ESRRG: variants seen among roughly 807,000 people sequenced by gnomAD.
The protein encoded by ESRRG is estrogen related receptor gamma.
A neutral mutation model predicts 44.0 loss-of-function variants in ESRRG; 13 were observed. The ratio of observed to expected loss-of-function variants is 0.30; its 90% CI spans 0.19 to 0.47. ESRRG has a LOEUF of 0.47. Ranked by LOEUF, ESRRG falls within the 20% of genes least tolerant of loss-of-function variation. The pLI is 1.00. For missense variants in ESRRG, 395 were observed against 580.6 expected, an observed-to-expected ratio of 0.68 and a Z score of 3.29; for synonymous variants, 215 against 214.6, an observed-to-expected ratio of 1.00 and a Z score of -0.02.
intron 1 of ESRRG, among the ~76,000 whole-genome samples, chr1:216,984,929 C>A (rs899458686): frequency 1.3e-5 from 2 of 152,142 alleles, no homozygotes; most frequent in African/African-American, 4.8e-5. Context: ...TCTGAATATT[C>A]TTTATTAAAT....
In ESRRG at chr1:216,578,533, A is replaced by G. The variant is rs2062109493; in HGVS notation, c.590-10435T>C. ...GTAAGTCTTAGTAGAATAAACAAGAAGTAATGAAGGAACACGAAAAAGCAA... is the reference window on the plus strand; with the variant it reads ...GTAAGTCTTAGTAGAATAAACAAGAGGTAATGAAGGAACACGAAAAAGCAA... On this transcript the variant is annotated intron_variant, in intron 3 of 6. Transcript: ENST00000408911. 2.6e-5 allele frequency among the ~76,000 whole-genome samples: 4 copies of G among 152,134 alleles called. No individual in the cohort carries two copies. In the South Asian group the frequency reaches 8.3e-4, roughly 31 times the overall value.
chr1:216,994,586 A>G (rs1448098929), intron 1 of ESRRG, among the ~76,000 whole-genome samples: 2 of 151,872 alleles, frequency 1.3e-5, no homozygotes, highest in African/African-American at 4.8e-5. Context: ...CCGTTCGACA[A>G]CTTCTTTTTT....
At chr1:217,008,852 C>T (rs1260711726) in intron 1 of ESRRG, among the ~76,000 whole-genome samples, 1 of 152,128 alleles carries the variant, frequency 6.6e-6, no homozygotes, top group Non-Finnish European at 1.5e-5. Flanking sequence ...TAACTGCTAG[C>T]TAAATGAACG....
chr1:216,787,833 A>T (rs1192964085), intron 2 of ESRRG, among the ~76,000 whole-genome samples: 1 of 152,150 alleles, frequency 6.6e-6, no homozygotes, highest in Non-Finnish European at 1.5e-5. Flanking sequence ...TATTCCAGTG[A>T]ACATATGAAT....
chr1:216,608,020 C>T lies in ESRRG; in HGVS notation c.590-39922G>A, dbSNP rs544407270. 4.6e-5 allele frequency among the ~76,000 whole-genome samples: 7 copies of T among 152,226 alleles called. 1 individual carries two copies. Among genetic ancestry groups the T allele is most frequent in the African/African-American group, 1.7e-4 (7 of 41,552 alleles). On this transcript the variant is annotated intron_variant, in intron 3 of 6. Coordinates refer to ENST00000408911, the MANE Select transcript of ESRRG (RefSeq NM_001438.4). ...TGAAAATCAAGTTATAATCAAATAA[C>T]CATTATTCAGTAAAATGGACTTCAT... is the stretch of plus-strand genomic sequence containing the variant.
intron 5 of ESRRG, among the ~76,000 whole-genome samples, chr1:216,541,539 C>T (rs1444328115): frequency 6.8e-6 from 1 of 147,926 alleles, no homozygotes; most frequent in Admixed American, 6.8e-5. Flanking sequence ...GAAGCTCGCT[C>T]AGCTATTTGA....
chr1:216,560,730 A>G (rs1050440450), intron 5 of ESRRG, among the ~76,000 whole-genome samples: 2 of 152,200 alleles, frequency 1.3e-5, no homozygotes, highest in African/African-American at 4.8e-5. Context: ...GAGGGAGTGA[A>G]GTGGAGTGTG....
chr1:216,564,646 A>G (rs1162336577), intron 4 of ESRRG, among the ~76,000 whole-genome samples: 1 of 151,954 alleles, frequency 6.6e-6, no homozygotes, highest in Non-Finnish European at 1.5e-5. Context: ...TCTGTCCTGT[A>G]GTGAAAATTT....
At chr1:216,883,147 G>A (rs942261002) in intron 2 of ESRRG, among the ~76,000 whole-genome samples, 14 of 152,064 alleles carry the variant, frequency 9.2e-5, no homozygotes, top group African/African-American at 3.4e-4. Context: ...GGAGGCCGAG[G>A]CAGGCGTATC....
intron 1 of ESRRG, among the ~76,000 whole-genome samples, chr1:217,123,842 T>C (rs1450361208): frequency 6.6e-6 from 1 of 151,996 alleles, no homozygotes; most frequent in African/African-American, 2.4e-5. Context: ...TAGGTGCAAC[T>C]AACCACTATG....
chr1:216,779,348 TAAAA>T (rs1576462200), intron 2 of ESRRG, among the ~76,000 whole-genome samples: 1 of 89,416 alleles, frequency 1.1e-5, no homozygotes, highest in African/African-American at 5.1e-5. Context: ...TTTATAAACA[TAAAA>T]TATTTATATT....
chr1:216,548,501 T>C (rs1015794657), intron 5 of ESRRG, among the ~76,000 whole-genome samples: 1 of 152,088 alleles, frequency 6.6e-6, no homozygotes. Flanking sequence ...GTTTAACCTA[T>C]ACTATAGGTT....
At chr1:216,986,902 G>A (rs544516269) in intron 1 of ESRRG, among the ~76,000 whole-genome samples, 1 of 152,206 alleles carries the variant, frequency 6.6e-6, no homozygotes, top group African/African-American at 2.4e-5. Context: ...AATGAGTAGT[G>A]TAACTAAAAG....
chr1:216,514,957 T>TACACAC (rs2043764785), intron 6 of ESRRG, among the ~76,000 whole-genome samples: 1 of 83,714 alleles, frequency 1.2e-5, no homozygotes, highest in Admixed American at 1.2e-4. Context: ...AGTTTTACTT[T>TACACAC]ATACACACAC....
chr1:216,881,146 C>A (rs2096440626), intron 2 of ESRRG, among the ~76,000 whole-genome samples: 1 of 152,074 alleles, frequency 6.6e-6, no homozygotes, highest in African/African-American at 2.4e-5. Context: ...CAAAGAAAAT[C>A]TTGGTAAATA....
intron 3 of ESRRG, among the ~76,000 whole-genome samples, chr1:216,647,855 G>A (rs573625095): frequency 6.6e-6 from 1 of 152,294 alleles, no homozygotes; most frequent in South Asian, 2.1e-4. Flanking sequence ...ACCTGTTAAA[G>A]GAGAGAAAGT....
chr1:216,837,104 T>TG (rs2148822966), intron 2 of ESRRG, among the ~76,000 whole-genome samples: 1 of 75,752 alleles, frequency 1.3e-5, no homozygotes, highest in African/African-American at 8.0e-5. Context: ...ATATATTCTA[T>TG]TTTTTTTTTA....
chr1:216,586,657 A>G (rs776239649), intron 3 of ESRRG, among the ~76,000 whole-genome samples: 9 of 151,000 alleles, frequency 6.0e-5, no homozygotes, highest in Non-Finnish European at 5.9e-5. Flanking sequence ...GCTTACTGCA[A>G]CCTCTGCCTC....
intron 2 of ESRRG, among the ~76,000 whole-genome samples, chr1:216,666,279 G>C (rs12094429): frequency 0.17 from 25,772 of 152,182 alleles, 2,301 homozygotes; most frequent in Middle Eastern, 0.2. Flanking sequence ...CATTTAGAGT[G>C]AACATTCTAA....
Sources: allele counts gnomAD v4.1 joint callset (sites outside exome capture counted in the v4.1 genomes callset), GRCh38; gene constraint gnomAD v4.1.1; transcripts MANE v1.5; gene names NCBI Gene and HGNC (gene_info 2026-07-23, HGNC 2026-07-21).